The following CDC20B variants were observed in gnomAD, a reference collection of about 807,000 sequenced individuals.
CDC20B encodes cell division cycle 20B.
CDC20B carries 58 observed loss-of-function variants against 64.1 expected under a neutral mutation model. The observed-to-expected ratio is 0.90, with a 90% CI of 0.73 to 1.13. The LOEUF (loss-of-function observed/expected upper bound fraction) is 1.13. CDC20B is among the 50% of genes most tolerant of loss of function. The pLI, the probability that CDC20B is intolerant of heterozygous loss-of-function variation, is 0.00. For missense variants in CDC20B, 597 were observed against 633.0 expected (o/e 0.94, Z 0.61); for synonymous variants, 243 against 230.6 (o/e 1.05, Z -0.49).
rs1379747044 is a variant in CDC20B at position 55,172,614 on chromosome 5, G to GCTT, written c.97_99dup (p.Lys33dup). On this transcript the variant is annotated inframe_insertion, in exon 2 of 12. Coordinates refer to ENST00000381375, the MANE Select transcript of CDC20B (RefSeq NM_001170402.1). ...TTGGCGGAATCTTGACTTCTCTTCT[G>GCTT]CTTCAAGTCTTTGGAGAGCACACGC... The GCTT allele has an allele frequency of 6.2e-7, 1 of 1,613,320 alleles. No homozygotes were observed. The highest frequency in any genetic ancestry group is 1.3e-5 in the African/African-American group (1 of 74,792).
At chr5:55,126,849 G>C (rs1441853122) in intron 8 of CDC20B, among the ~76,000 whole-genome samples, 1 of 152,166 alleles carries the variant, frequency 6.6e-6, no homozygotes, top group Non-Finnish European at 1.5e-5. Flanking sequence ...GGTTCCTTCT[G>C]CTCTAATTTC....
rs765282720 is a variant in CDC20B at position 55,146,734 on chromosome 5, C to T, written c.249G>A (p.Arg83=). The T allele has an allele frequency of 1.9e-6, 3 of 1,614,006 alleles. No individual in the cohort carries two copies. Among genetic ancestry groups the T allele is most frequent in the Non-Finnish European group, 2.5e-6 (3 of 1,180,000 alleles). The part of the protein sequence containing the change: ...ITTRWQQSQT[R]ALSSDSFGEE... ...CCCCAAAGGAATCAGAGGACAGAGC[C>T]CTAGTTTGACTTTGCTGCCACCTTG... is the stretch of plus-strand genomic sequence containing the variant. The change falls in exon 3 of 12, where the codon AGG becomes AGA. Residue 83 remains arginine (R), a synonymous_variant. Coordinates refer to ENST00000381375, the MANE Select transcript of CDC20B (RefSeq NM_001170402.1).
chr5:55,143,671 T>C (rs200031751), intron 3 of CDC20B, 28 bp from the exon 4 acceptor site: 38 of 1,558,508 alleles, frequency 2.4e-5, no homozygotes, highest in Non-Finnish European at 3.2e-5. Context: ...ATCTTTGAAT[T>C]TGGTTTTTAA....
intron 9 of CDC20B, 65 bp from the exon 10 acceptor site, chr5:55,120,615 T>A: frequency 6.3e-7 from 1 of 1,590,780 alleles, no homozygotes; most frequent in Non-Finnish European, 8.6e-7. Flanking sequence ...ATGAATGTGA[T>A]GCACTTAGGT....
chr5:55,160,876 A>G (rs1327111351), intron 2 of CDC20B: 3 of 1,109,734 alleles, frequency 2.7e-6, no homozygotes, highest in Non-Finnish European at 3.8e-6. Flanking sequence ...AAAATATGAA[A>G]AAAACATCAA....
At chr5:55,148,100 T>C (rs1386336740) in intron 2 of CDC20B, among the ~76,000 whole-genome samples, 1 of 152,080 alleles carries the variant, frequency 6.6e-6, no homozygotes, top group Non-Finnish European at 1.5e-5. Flanking sequence ...CTTATAGAAA[T>C]TGACAAGTTT....
At chr5:55,140,862 T>A (rs1238397409) in intron 4 of CDC20B, among the ~76,000 whole-genome samples, 1 of 152,160 alleles carries the variant, frequency 6.6e-6, no homozygotes, top group African/African-American at 2.4e-5. Context: ...TGGGCCAATA[T>A]ATAAAGAGCC....
chr5:55,160,857 G>A (rs1042768630), intron 2 of CDC20B: 104 of 901,578 alleles, frequency 1.2e-4, no homozygotes, highest in Admixed American at 3.0e-4. Flanking sequence ...ATAGAACTGT[G>A]TATGTCCAAA....
intron 3 of CDC20B, among the ~76,000 whole-genome samples, chr5:55,145,976 C>G (rs1297295337): frequency 6.6e-6 from 1 of 152,086 alleles, no homozygotes; most frequent in East Asian, 1.9e-4. Context: ...CTTTGCAAAA[C>G]AAAAGCACAT....
At chr5:55,146,332 C>A (rs1368667494) in intron 3 of CDC20B, among the ~76,000 whole-genome samples, 1 of 152,210 alleles carries the variant, frequency 6.6e-6, no homozygotes, top group Non-Finnish European at 1.5e-5. Flanking sequence ...CTGCCCGCCC[C>A]CACATGGAGT....
intron 6 of CDC20B, 25 bp from the exon 7 acceptor site, chr5:55,128,642 G>C: frequency 6.8e-7 from 1 of 1,469,280 alleles, no homozygotes; most frequent in Non-Finnish European, 9.0e-7. Flanking sequence ...CTTCAAATTA[G>C]TATAATTATA....
chr5:55,170,492 C>A, intron 2 of CDC20B: 2 of 528,036 alleles, frequency 3.8e-6, no homozygotes, highest in South Asian at 1.4e-5. Context: ...TACACATAAA[C>A]ACACACTAAT....
intron 11 of CDC20B, among the ~76,000 whole-genome samples, chr5:55,118,235 A>G (rs1052460497): frequency 1.3e-5 from 2 of 152,344 alleles, no homozygotes; most frequent in South Asian, 4.1e-4. Flanking sequence ...CTTTGTATGT[A>G]TGTTTTGTAT....
chr5:55,123,600 G>A (rs903616033), intron 9 of CDC20B, among the ~76,000 whole-genome samples: 1 of 152,168 alleles, frequency 6.6e-6, no homozygotes, highest in Non-Finnish European at 1.5e-5. Context: ...TGACTGCCAG[G>A]AGGCTTGGCT....
At chr5:55,126,281 A>C (rs1007504828) in intron 8 of CDC20B, 1 of 139,652 alleles carries the variant, frequency 7.2e-6, no homozygotes, top group Non-Finnish European at 1.6e-5. Context: ...CAGGTGGATC[A>C]CAAGGTCAGG....
At chr5:55,172,752 T>TTTTC (rs1173563191) in intron 1 of CDC20B, 102 bp from the exon 2 acceptor site, 2 of 33,292 alleles carry the variant, frequency 6.0e-5, no homozygotes, top group Non-Finnish European at 5.3e-5. Flanking sequence ...GATTACACTT[T>TTTTC]TTTTTTTTTT....
intron 2 of CDC20B, among the ~76,000 whole-genome samples, chr5:55,159,908 C>T (rs79495092): frequency 6.6e-6 from 1 of 152,132 alleles, no homozygotes; most frequent in Non-Finnish European, 1.5e-5. Context: ...CATCTTCTGG[C>T]GAAATATTTT....
chr5:55,129,562 GA>G (rs1485303273), intron 6 of CDC20B, among the ~76,000 whole-genome samples: 13 of 152,144 alleles, frequency 8.5e-5, no homozygotes, highest in African/African-American at 3.1e-4. Flanking sequence ...CTAGACATGG[GA>G]AAGCCAAAAG....
intron 2 of CDC20B, among the ~76,000 whole-genome samples, chr5:55,149,951 T>C (rs747125001): frequency 4.6e-5 from 7 of 152,064 alleles, no homozygotes; most frequent in Non-Finnish European, 8.8e-5. Context: ...CTGACCAATA[T>C]GATGAAACCC....
Sources: gnomAD v4.1 joint callset for allele counts (sites outside exome capture counted in the v4.1 genomes callset) on GRCh38, gnomAD v4.1.1 for gene constraint, MANE v1.5 for transcripts, NCBI Gene and HGNC (gene_info 2026-07-23, HGNC 2026-07-21) for gene names.